Variants in PDE4D observed in about 807,000 individuals in gnomAD.
PDE4D encodes the protein phosphodiesterase 4D, also known as 3',5'-cyclic-AMP phosphodiesterase 4D.
A neutral mutation model predicts 87.4 loss-of-function variants in PDE4D; 24 were observed. The ratio of observed to expected loss-of-function variants is 0.27; its 90% CI spans 0.20 to 0.39. The LOEUF (loss-of-function observed/expected upper bound fraction) is 0.39. Among genes scored for constraint, PDE4D ranks in the 10% least tolerant of loss-of-function variants. The pLI is 1.00. For synonymous variants in PDE4D, 384 were observed against 383.2 expected, an observed-to-expected ratio of 1.00 and a Z score of -0.02; for missense variants, 714 against 1,041.0, an observed-to-expected ratio of 0.69 and a Z score of 4.32.
chr5:60,233,788 T>C (rs1746094840), intron 1 of PDE4D, among the ~76,000 whole-genome samples: 2 of 151,940 alleles, frequency 1.3e-5, no homozygotes, highest in African/African-American at 2.4e-5. Context: ...ACTATTATTA[T>C]GCTTACAGGT....
intron 1 of PDE4D, among the ~76,000 whole-genome samples, chr5:59,298,113 C>CT (rs759820053): frequency 0.071 from 8,038 of 112,962 alleles, 394 homozygotes; most frequent in Middle Eastern, 0.11. Flanking sequence ...ACAAGTGAAA[C>CT]TTTTTTTTTT....
intron 2 of PDE4D, among the ~76,000 whole-genome samples, chr5:59,201,073 T>C (rs1747244956): frequency 6.6e-6 from 1 of 152,154 alleles, no homozygotes; most frequent in Non-Finnish European, 1.5e-5. Flanking sequence ...AATCCAAATG[T>C]ATTAAAATGT....
chr5:60,337,351 C>CAATATATA (rs1491477498), intron 1 of PDE4D, among the ~76,000 whole-genome samples: 2 of 62,260 alleles, frequency 3.2e-5, no homozygotes, highest in African/African-American at 4.9e-5. Flanking sequence ...AACAAACAAA[C>CAATATATA]TATATATATA....
At chr5:60,432,758 A>T (rs1246175860) in intron 1 of PDE4D, among the ~76,000 whole-genome samples, 1 of 152,156 alleles carries the variant, frequency 6.6e-6, no homozygotes, top group Admixed American at 6.5e-5. Context: ...CAGAATAGGG[A>T]GCCCAGATAT....
intron 1 of PDE4D, among the ~76,000 whole-genome samples, chr5:59,347,261 C>A (rs538419739): frequency 6.6e-6 from 1 of 152,264 alleles, no homozygotes; most frequent in East Asian, 1.9e-4. Context: ...TAAACAAACT[C>A]TGCCATTACA....
In PDE4D at chr5:59,474,679, A is replaced by G. The variant is rs1803016282; in HGVS notation, c.456-258711T>C. Among the ~76,000 whole-genome samples the G allele has an allele frequency of 2.0e-5, 3 of 152,114 alleles. No individual in the cohort carries two copies. The South Asian group carries it at 6.2e-4, about 31-fold the overall frequency. ...TCTTGCCAATCCCTCTTGGGTATGT[A>G]TGAAGAGAACAAGAAATAAAATTTG... On this transcript the variant is annotated intron_variant, in intron 1 of 14. Coordinates refer to ENST00000340635, the MANE Select transcript of PDE4D (RefSeq NM_001104631.2).
chr5:60,073,327 T>G (rs902543112), intron 2 of PDE4D, among the ~76,000 whole-genome samples: 9 of 152,170 alleles, frequency 5.9e-5, no homozygotes, highest in Admixed American at 5.2e-4. Context: ...GATTTGTGTA[T>G]GTTGAACCAA....
intron 1 of PDE4D, among the ~76,000 whole-genome samples, chr5:59,457,981 G>A (rs1338947900): frequency 1.3e-5 from 2 of 152,080 alleles, no homozygotes; most frequent in Non-Finnish European, 2.9e-5. Context: ...CCACAGCTAG[G>A]AAAATGTGAA....
chr5:59,331,390 C>T (rs1310310887), intron 1 of PDE4D, among the ~76,000 whole-genome samples: 4 of 152,098 alleles, frequency 2.6e-5, no homozygotes, highest in South Asian at 2.1e-4. Flanking sequence ...TCTGCGTGTG[C>T]GCGTGCATCT....
chr5:59,425,914 ATGCTG>A (rs1795137137), intron 1 of PDE4D, among the ~76,000 whole-genome samples: 23 of 152,200 alleles, frequency 1.5e-4, no homozygotes, highest in Admixed American at 1.2e-3. Flanking sequence ...CAAAATTTGT[ATGCTG>A]AAGCCCTAAA....
At position 58,993,479 on chromosome 5, in the gene PDE4D, AAGT is replaced by A. The variant is rs1748398273; in HGVS notation, c.922-17_922-15del. 6.6e-7 allele frequency: 1 copy of A among 1,510,764 alleles called. No homozygotes were observed. The highest frequency in any genetic ancestry group is 1.2e-5 in the South Asian group (1 of 83,224). 93.6% of individuals were successfully genotyped at this position (1,510,764 alleles called of 1,614,324 possible). ...CATCCTTTTAAACTGAAAAACAGAAAAGTAAAATGAAATAATAGAAGAGGAAAA... is the reference window on the plus strand; with the variant it reads ...CATCCTTTTAAACTGAAAAACAGAAAAAAATGAAATAATAGAAGAGGAAAA... On this transcript the variant is annotated splice_polypyrimidine_tract_variant and intron_variant, in intron 6 of 14. Transcript: ENST00000340635.
At chr5:59,122,826 A>G (rs1292729141) in intron 5 of PDE4D, among the ~76,000 whole-genome samples, 2 of 152,196 alleles carry the variant, frequency 1.3e-5, no homozygotes, top group Non-Finnish European at 2.9e-5. Flanking sequence ...CCCCTTACCT[A>G]TTAAGAAGTT....
rs972999816 is a variant in PDE4D, at chr5:59,499,512, AGATT to A, written c.456-283548_456-283545del. On this transcript the variant is annotated intron_variant, in intron 1 of 14. Transcript: ENST00000340635. ...GTTTGTTCTTGGAAAGGATAAAAAAAGATTGATATACTGCTAGCTAGATTAACAA... is the reference window on the plus strand; with the variant it reads ...GTTTGTTCTTGGAAAGGATAAAAAAAGATATACTGCTAGCTAGATTAACAA... Among the ~76,000 whole-genome samples the A allele has an allele frequency of 1.1e-3, 174 of 152,020 alleles. 1 individual carries two copies. Among genetic ancestry groups the A allele is most frequent in the African/African-American group, 4.0e-3 (167 of 41,464 alleles).
At position 59,474,007 on chromosome 5, in the gene PDE4D, C is replaced by T. The variant is rs991590392; in HGVS notation, c.456-258039G>A. 5.9e-5 allele frequency among the ~76,000 whole-genome samples: 9 copies of T among 152,252 alleles called. No individual in the cohort carries two copies. The East Asian group carries it at 1.3e-3, about 23-fold the overall frequency. On this transcript the variant is annotated intron_variant, in intron 1 of 14. Coordinates refer to ENST00000340635, the MANE Select transcript of PDE4D (RefSeq NM_001104631.2). ...ACCAGAATGTACTCTGGGAATAGTA[C>T]TCATTCTTAATTCATTTTTCTAGAA... is the stretch of plus-strand genomic sequence containing the variant.
chr5:59,255,073 G>C (rs975738326), intron 1 of PDE4D, among the ~76,000 whole-genome samples: 20 of 152,026 alleles, frequency 1.3e-4, no homozygotes, highest in African/African-American at 4.8e-4. Context: ...ATACCCAGAA[G>C]AAAGGAAAAT....
At chr5:60,513,927 T>C (rs901519826) in intron 1 of PDE4D, among the ~76,000 whole-genome samples, 4 of 150,526 alleles carry the variant, frequency 2.7e-5, no homozygotes, top group African/African-American at 9.7e-5. Context: ...TATATAATTA[T>C]AATTATATAA....
intron 2 of PDE4D, among the ~76,000 whole-genome samples, chr5:60,125,043 T>C (rs1299259437): frequency 6.6e-6 from 1 of 152,150 alleles, no homozygotes; most frequent in African/African-American, 2.4e-5. Flanking sequence ...ATTTCCAACT[T>C]CAAAACATTA....
chr5:60,219,933 G>T (rs551438198), intron 1 of PDE4D, among the ~76,000 whole-genome samples: 3 of 152,294 alleles, frequency 2.0e-5, no homozygotes, highest in South Asian at 4.1e-4. Context: ...GCAGCATACA[G>T]ATTTATGTTC....
chr5:59,875,134 C>CT (rs1037452873), intron 1 of PDE4D, among the ~76,000 whole-genome samples: 2 of 152,060 alleles, frequency 1.3e-5, no homozygotes, highest in African/African-American at 4.8e-5. Flanking sequence ...ATAAACTGTC[C>CT]TTTGTTCAGA....
Sources: gnomAD v4.1 joint callset for allele counts (sites outside exome capture counted in the v4.1 genomes callset) on GRCh38, gnomAD v4.1.1 for gene constraint, MANE v1.5 for transcripts, NCBI Gene and HGNC (gene_info 2026-07-23, HGNC 2026-07-21) for gene names.